CCDC63: variants seen among roughly 807,000 people sequenced by gnomAD.
CCDC63 encodes the protein coiled-coil domain-containing protein 63.
CCDC63 carries 54 observed loss-of-function variants against 63.6 expected under a neutral mutation model. That is an observed-to-expected ratio of 0.85 (90% CI 0.68 to 1.07). The LOEUF is 1.07. CCDC63 is among the 50% of genes least tolerant of loss of function. CCDC63 has a pLI of 0.00. For synonymous variants in CCDC63, 253 were observed against 266.1 expected, an observed-to-expected ratio of 0.95 and a Z score of 0.48; for missense variants, 637 against 689.6, an observed-to-expected ratio of 0.92 and a Z score of 0.86.
chr12:110,873,780 T>C (rs2071094800), intron 4 of CCDC63, 62 bp from the exon 5 acceptor site: 2 of 1,584,718 alleles, frequency 1.3e-6, no homozygotes, highest in Non-Finnish European at 1.7e-6. Flanking sequence ...TAGTGAACTG[T>C]AGAACGGGTA....
chr12:110,893,290 G>T, intron 9 of CCDC63, 140 bp downstream of exon 9: 2 of 671,638 alleles, frequency 3.0e-6, no homozygotes, highest in Non-Finnish European at 5.2e-6. Context: ...CCATGACTCA[G>T]GCTGGCCTGG....
rs1432172862 is a variant in CCDC63 at position 110,879,896 on chromosome 12, C to G, written c.490-10C>G. On this transcript the variant is annotated splice_polypyrimidine_tract_variant and intron_variant, in intron 5 of 11. Coordinates refer to ENST00000308208, the MANE Select transcript of CCDC63 (RefSeq NM_152591.3). Reference sequence around the variant, plus strand: ...ATGAGACCTGTTTTGAAGCATGGCCCTTTCAACAGGTCACTGTTCACTTTG... The same window carrying G: ...ATGAGACCTGTTTTGAAGCATGGCCGTTTCAACAGGTCACTGTTCACTTTG... 2 of 1,613,628 alleles carry G rather than the reference C, an allele frequency of 1.2e-6. No individual in the cohort carries two copies. Among genetic ancestry groups the G allele is most frequent in the Non-Finnish European group, 1.7e-6 (2 of 1,179,750 alleles).
chr12:110,868,479 C>G (rs1432083288), intron 4 of CCDC63, among the ~76,000 whole-genome samples: 1 of 150,098 alleles, frequency 6.7e-6, no homozygotes, highest in South Asian at 2.1e-4. Context: ...TCTGCAATCC[C>G]GGCACCTCGG....
rs749210893 is a variant in CCDC63 at position 110,873,971 on chromosome 12, G to A, written c.489+10G>A. The A allele has an allele frequency of 1.2e-6, 2 of 1,608,286 alleles. No homozygotes were observed. The highest frequency in any genetic ancestry group is 1.7e-6 in the Non-Finnish European group (2 of 1,177,502). ...AACCCGTTTGAATCTCGTATGTAAAGTGTTCTCTGCAGCTCTGCAAACAGC... is the reference window on the plus strand; with the variant it reads ...AACCCGTTTGAATCTCGTATGTAAAATGTTCTCTGCAGCTCTGCAAACAGC... On this transcript the variant is annotated intron_variant, in intron 5 of 11. Coordinates refer to ENST00000308208, the MANE Select transcript of CCDC63 (RefSeq NM_152591.3).
At chr12:110,892,210 G>A (rs1336034910) in intron 8 of CCDC63, among the ~76,000 whole-genome samples, 1 of 152,150 alleles carries the variant, frequency 6.6e-6, no homozygotes, top group Non-Finnish European at 1.5e-5. Flanking sequence ...CAATACCATA[G>A]CCACCAGCCA....
chr12:110,865,866 G>A lies in CCDC63; in HGVS notation c.369+7091G>A, dbSNP rs563449971. 1.2e-4 allele frequency among the ~76,000 whole-genome samples: 19 copies of A among 152,348 alleles called. No homozygotes were observed. In the South Asian group the frequency reaches 3.7e-3, roughly 30 times the overall value. On this transcript the variant is annotated intron_variant, in intron 4 of 11. Transcript: ENST00000308208. ...CTACTTTCCTCCCTGGAATAAGACC[G>A]TGAAGGTCGGTGCAATGGCAGTCAT...
intron 1 of CCDC63, 72 bp from the exon 2 acceptor site, chr12:110,852,787 G>A (rs2070720137): frequency 1.1e-6 from 1 of 901,144 alleles, no homozygotes; most frequent in Non-Finnish European, 1.8e-6. Context: ...GGGGAGGGAG[G>A]AGGTGCCGTT....
intron 1 of CCDC63, among the ~76,000 whole-genome samples, chr12:110,847,566 GA>G (rs60968677): frequency 1.4e-5 from 2 of 146,790 alleles, no homozygotes; most frequent in Non-Finnish European, 1.5e-5. Flanking sequence ...CTCAAAAAAG[GA>G]AAAAAAAAAA....
chr12:110,881,114 G>C lies in CCDC63; in HGVS notation c.672-1G>C, dbSNP rs144228978. 6.2e-7 allele frequency: 1 copy of C among 1,609,682 alleles called. No individual in the cohort carries two copies. The highest frequency in any genetic ancestry group is 1.3e-5 in the African/African-American group (1 of 74,762). ...TCAGGCTCTGTACTCCCTTTGCCCA[G>C]GGTGGAGGCCATGGCTCGAATGGCT... On this transcript the variant is annotated splice_acceptor_variant, in intron 6 of 11. Transcript: ENST00000308208. LOFTEE classifies it high-confidence loss of function.
intron 8 of CCDC63, among the ~76,000 whole-genome samples, chr12:110,888,446 G>A (rs2071312582): frequency 6.6e-6 from 1 of 152,158 alleles, no homozygotes; most frequent in African/African-American, 2.4e-5. Flanking sequence ...ATGGGTAAGC[G>A]CTGCCCTCTC....
intron 4 of CCDC63, 104 bp from the exon 5 acceptor site, chr12:110,873,738 C>T: frequency 2.1e-6 from 3 of 1,397,844 alleles, no homozygotes; most frequent in Non-Finnish European, 2.9e-6. Flanking sequence ...AGAGCTGGTA[C>T]CCATACAGAT....
intron 9 of CCDC63, among the ~76,000 whole-genome samples, chr12:110,895,018 G>C (rs937874866): frequency 1.3e-5 from 2 of 152,160 alleles, no homozygotes; most frequent in Non-Finnish European, 2.9e-5. Context: ...GGGTTCAAGC[G>C]ATTCTCCTGC....
At chr12:110,880,470 C>T (rs1258089154) in intron 6 of CCDC63, among the ~76,000 whole-genome samples, 1 of 152,070 alleles carries the variant, frequency 6.6e-6, no homozygotes, top group African/African-American at 2.4e-5. Context: ...CAATCTGGGT[C>T]TCTGCTGGCT....
At chr12:110,896,207 C>G (rs2071413666) in intron 9 of CCDC63, among the ~76,000 whole-genome samples, 1 of 152,040 alleles carries the variant, frequency 6.6e-6, no homozygotes, top group East Asian at 1.9e-4. Flanking sequence ...GTGGTGGGAT[C>G]ACAGCTCACT....
At position 110,862,331 on chromosome 12, in the gene CCDC63, G is replaced by A. The variant is rs545205291; in HGVS notation, c.369+3556G>A. Among the ~76,000 whole-genome samples, 3 of 152,296 alleles carry A rather than the reference G, an allele frequency of 2.0e-5. No individual in the cohort carries two copies. The South Asian group carries it at 6.2e-4, about 32-fold the overall frequency. ...CCTTCCTCCCATGCCCACCCTCGAT[G>A]GGCAAAGCCTCGTCCTCACAGGAGG... On this transcript the variant is annotated intron_variant, in intron 4 of 11. Transcript: ENST00000308208.
chr12:110,890,520 A>C (rs564823431), intron 8 of CCDC63, among the ~76,000 whole-genome samples: 1 of 152,112 alleles, frequency 6.6e-6, no homozygotes, highest in Non-Finnish European at 1.5e-5. Context: ...ATTCAGAAAA[A>C]CATAAAGAAA....
At chr12:110,851,717 C>T (rs2070708026) in intron 1 of CCDC63, among the ~76,000 whole-genome samples, 2 of 152,184 alleles carry the variant, frequency 1.3e-5, no homozygotes, top group Non-Finnish European at 2.9e-5. Flanking sequence ...CACCACCCTG[C>T]ACCTTCGCCC....
upstream of CCDC63, among the ~76,000 whole-genome samples, chr12:110,846,517 T>TC (rs202164177): frequency 0.016 from 2,453 of 150,520 alleles, 57 homozygotes; most frequent in African/African-American, 0.056. Context: ...AATATCTCTT[T>TC]CCCCCCCCGC....
intron 10 of CCDC63, among the ~76,000 whole-genome samples, chr12:110,899,585 G>T (rs2071459728): frequency 6.6e-6 from 1 of 151,998 alleles, no homozygotes; most frequent in Admixed American, 6.6e-5. Context: ...CTCCCAAAGT[G>T]CTGGGATTAC....
Sources: allele counts gnomAD v4.1 joint callset (sites outside exome capture counted in the v4.1 genomes callset), GRCh38; gene constraint gnomAD v4.1.1; transcripts MANE v1.5; gene names NCBI Gene and HGNC (gene_info 2026-07-23, HGNC 2026-07-21).